CAPZB: variants seen among roughly 807,000 people sequenced by gnomAD.
The protein encoded by CAPZB is capping actin protein of muscle Z-line subunit beta.
In CAPZB, 2 loss-of-function variants were observed where a neutral mutation model predicts 38.1. The ratio of observed to expected loss-of-function variants is 0.05; its 90% confidence interval spans 0.02 to 0.17. CAPZB has a LOEUF of 0.17. CAPZB is among the 10% of genes least tolerant of loss of function. The pLI is 1.00. For synonymous variants in CAPZB, 107 were observed against 127.4 expected (o/e 0.84, Z 1.08); for missense variants, 161 against 334.2 (o/e 0.48, Z 4.04).
At chr1:19,410,842 C>T (rs1040779937) in intron 2 of CAPZB, among the ~76,000 whole-genome samples, 1 of 152,132 alleles carries the variant, frequency 6.6e-6, no homozygotes, top group Admixed American at 6.6e-5. Context: ...TGACTGGAAT[C>T]AAGAGGTGGG....
chr1:19,447,010 A>G (rs979469338), intron 1 of CAPZB, among the ~76,000 whole-genome samples: 15 of 152,174 alleles, frequency 9.9e-5, no homozygotes, highest in Non-Finnish European at 1.6e-4. Context: ...TCCAAACAAA[A>G]AATACTATTA....
chr1:19,393,596 G>A (rs771022903), intron 2 of CAPZB, among the ~76,000 whole-genome samples: 6 of 152,190 alleles, frequency 3.9e-5, no homozygotes, highest in Non-Finnish European at 7.3e-5. Context: ...AGGCCCCACC[G>A]GGTCAACAAG....
intron 4 of CAPZB, among the ~76,000 whole-genome samples, chr1:19,364,202 C>CT (rs1310057053): frequency 1.3e-5 from 2 of 152,326 alleles, no homozygotes; most frequent in East Asian, 3.9e-4. Context: ...GTGCAAAAGA[C>CT]TTTTTTCTTA....
At chr1:19,462,382 T>C (rs374549254) in intron 1 of CAPZB, among the ~76,000 whole-genome samples, 4 of 150,004 alleles carry the variant, frequency 2.7e-5, no homozygotes, top group African/African-American at 9.8e-5. Flanking sequence ...GGCGTGAACC[T>C]GGGAGGCGGA....
At chr1:19,426,105 G>A (rs370189913) in intron 1 of CAPZB, among the ~76,000 whole-genome samples, 4 of 152,220 alleles carry the variant, frequency 2.6e-5, no homozygotes, top group African/African-American at 7.2e-5. Flanking sequence ...GGCCTGGGGA[G>A]GTGACTGGGG....
chr1:19,449,002 A>G, intron 1 of CAPZB: 1 of 1,571,100 alleles, frequency 6.4e-7, no homozygotes, highest in Middle Eastern at 1.9e-4. Context: ...GTGACTAGGG[A>G]CGCTGCCCCA....
At chr1:19,379,759 G>GGGTT (rs2094164106) in intron 3 of CAPZB, among the ~76,000 whole-genome samples, 1 of 152,156 alleles carries the variant, frequency 6.6e-6, no homozygotes, top group Non-Finnish European at 1.5e-5. Context: ...ACTGGAAAGG[G>GGGTT]GGTTATAAGG....
intron 4 of CAPZB, among the ~76,000 whole-genome samples, chr1:19,360,471 G>A (rs931874516): frequency 2.0e-5 from 3 of 152,290 alleles, no homozygotes; most frequent in East Asian, 1.9e-4. Context: ...GCAGAGCTGC[G>A]GTGCTGTGCC....
chr1:19,484,274 G>C (rs751753440), intron 1 of CAPZB: 1 of 1,611,766 alleles, frequency 6.2e-7, no homozygotes, highest in East Asian at 2.2e-5. Flanking sequence ...GCCTGCTTGG[G>C]TGCATCGTGT....
intron 1 of CAPZB, among the ~76,000 whole-genome samples, chr1:19,469,205 G>A (rs372157017): frequency 1.3e-5 from 2 of 152,216 alleles, no homozygotes; most frequent in Admixed American, 6.5e-5. Flanking sequence ...ACAGGCAGGA[G>A]GGAACAGGCA....
At chr1:19,448,139 G>A (rs2094502664) in intron 1 of CAPZB, among the ~76,000 whole-genome samples, 1 of 152,222 alleles carries the variant, frequency 6.6e-6, no homozygotes, top group Non-Finnish European at 1.5e-5. Flanking sequence ...TGCGCATCAA[G>A]GGGCCACAGT....
chr1:19,441,111 TA>T (rs1406626175), intron 1 of CAPZB, among the ~76,000 whole-genome samples: 16 of 152,204 alleles, frequency 1.1e-4, no homozygotes, highest in African/African-American at 3.9e-4. Context: ...GCTAAAACCT[TA>T]TGCAGAAAGT....
intron 1 of CAPZB, among the ~76,000 whole-genome samples, chr1:19,468,388 T>G (rs2094575211): frequency 6.6e-6 from 1 of 152,110 alleles, no homozygotes; most frequent in Non-Finnish European, 1.5e-5. Flanking sequence ...GTGCTCACAC[T>G]CAACCAAGCG....
intron 4 of CAPZB, among the ~76,000 whole-genome samples, chr1:19,361,524 A>G (rs545350787): frequency 6.6e-6 from 1 of 152,360 alleles, no homozygotes; most frequent in South Asian, 2.1e-4. Flanking sequence ...CGGCACCTTC[A>G]GGAGGGAGGT....
intron 4 of CAPZB, among the ~76,000 whole-genome samples, chr1:19,358,105 T>A (rs1183596452): frequency 3.3e-5 from 5 of 152,194 alleles, no homozygotes; most frequent in African/African-American, 4.8e-5. Context: ...AGACAGTGCT[T>A]CCTCCTCAAA....
chr1:19,447,698 T>A (rs1182361783), intron 1 of CAPZB, among the ~76,000 whole-genome samples: 1 of 152,020 alleles, frequency 6.6e-6, no homozygotes, highest in African/African-American at 2.4e-5. Context: ...AGGGCCAGGG[T>A]GGCACAGCAG....
chr1:19,479,189 G>A (rs2094618672), intron 1 of CAPZB, among the ~76,000 whole-genome samples: 1 of 152,148 alleles, frequency 6.6e-6, no homozygotes, highest in South Asian at 2.1e-4. Context: ...CAGCCTAGGT[G>A]GCAGAGCGAG....
At chr1:19,344,913 A>G (rs2093952465) in intron 7 of CAPZB, among the ~76,000 whole-genome samples, 1 of 152,206 alleles carries the variant, frequency 6.6e-6, no homozygotes, top group African/African-American at 2.4e-5. Context: ...CAGGGGAGAC[A>G]AGACCTAGTG....
At chr1:19,429,328 T>C (rs932692358) in intron 1 of CAPZB, among the ~76,000 whole-genome samples, 2 of 152,068 alleles carry the variant, frequency 1.3e-5, no homozygotes, top group Admixed American at 6.5e-5. Context: ...ATCAGGTTGA[T>C]AACTTGGGGT....
Sources: allele counts gnomAD v4.1 joint callset (sites outside exome capture counted in the v4.1 genomes callset), GRCh38; gene constraint gnomAD v4.1.1; transcripts MANE v1.5; gene names NCBI Gene and HGNC (gene_info 2026-07-23, HGNC 2026-07-21).